The following CGGBP1 variants were observed in gnomAD, a reference collection of about 807,000 sequenced individuals.
CGGBP1 encodes CGG triplet repeat binding protein 1.
A neutral mutation model predicts 11.4 loss-of-function variants in CGGBP1; 4 were observed. That is an observed-to-expected ratio of 0.35 (90% CI 0.17 to 0.80). The LOEUF (loss-of-function observed/expected upper bound fraction) is 0.80, where lower values mean the gene tolerates loss of function less well. CGGBP1 is among the 30% of genes least tolerant of loss of function. The pLI is 0.52. For synonymous variants in CGGBP1, 76 were observed against 74.1 expected, an observed-to-expected ratio of 1.03 and a Z score of -0.13; for missense variants, 135 against 202.1, an observed-to-expected ratio of 0.67 and a Z score of 2.01.
intron 2 of CGGBP1, chr3:88,134,917 A>T (rs879785963): frequency 4.4e-6 from 2 of 458,158 alleles, no homozygotes; most frequent in African/African-American, 4.0e-5. Flanking sequence ...ATATAGGTAG[A>T]AGAAGTAGTT....
intron 2 of CGGBP1, among the ~76,000 whole-genome samples, chr3:88,118,591 C>T (rs1474769072): frequency 2.0e-5 from 3 of 152,148 alleles, no homozygotes; most frequent in African/African-American, 7.2e-5. Context: ...TGGCCCTTCT[C>T]TAGAGTACTT....
chr3:88,089,013 TC>T (rs1708494970), intron 2 of CGGBP1, among the ~76,000 whole-genome samples: 2 of 151,884 alleles, frequency 1.3e-5, no homozygotes, highest in South Asian at 4.2e-4. Flanking sequence ...CCTCAGATGA[TC>T]TACCCACCTC....
At chr3:88,100,001 G>A (rs1221700556) in intron 2 of CGGBP1, among the ~76,000 whole-genome samples, 1 of 152,178 alleles carries the variant, frequency 6.6e-6, no homozygotes, top group Non-Finnish European at 1.5e-5. Context: ...AAGAGCTTCT[G>A]CACAGCAAAA....
chr3:88,080,480 C>A (rs368495525), intron 2 of CGGBP1, among the ~76,000 whole-genome samples: 2 of 151,848 alleles, frequency 1.3e-5, no homozygotes, highest in Admixed American at 1.3e-4. Flanking sequence ...TTCAATAGGC[C>A]TGTGATTAAA....
At chr3:88,104,420 C>T (rs1289372416) in intron 2 of CGGBP1, among the ~76,000 whole-genome samples, 2 of 152,214 alleles carry the variant, frequency 1.3e-5, no homozygotes, top group Middle Eastern at 3.4e-3. Context: ...AAGAAAGCAG[C>T]CATAAACACT....
intron 2 of CGGBP1, chr3:88,138,985 C>T: frequency 8.0e-7 from 1 of 1,245,824 alleles, no homozygotes; most frequent in Non-Finnish European, 1.0e-6. Flanking sequence ...GAATTGCTTC[C>T]AATTTTGAAA....
intron 2 of CGGBP1, among the ~76,000 whole-genome samples, chr3:88,120,939 A>T (rs1309555003): frequency 6.6e-6 from 1 of 152,088 alleles, no homozygotes; most frequent in Non-Finnish European, 1.5e-5. Flanking sequence ...GATACTTTTG[A>T]TAGAAAATTT....
chr3:88,148,244 T>C (rs2107923422), intron 1 of CGGBP1, among the ~76,000 whole-genome samples: 2 of 152,338 alleles, frequency 1.3e-5, no homozygotes, highest in Middle Eastern at 3.4e-3. Flanking sequence ...TCTTACATGT[T>C]TACTGTCTAT....
intron 2 of CGGBP1, among the ~76,000 whole-genome samples, chr3:88,098,939 C>T (rs1180040462): frequency 1.3e-5 from 2 of 152,158 alleles, no homozygotes; most frequent in Non-Finnish European, 2.9e-5. Flanking sequence ...CAGGGATGCC[C>T]TCTGTCACTA....
intron 2 of CGGBP1, among the ~76,000 whole-genome samples, chr3:88,133,586 A>G (rs1359215749): frequency 2.0e-5 from 3 of 147,672 alleles, no homozygotes; most frequent in Non-Finnish European, 4.5e-5. Context: ...TACTTTCCAA[A>G]TATAGCAGTC....
Position 88,087,155 on chromosome 3 carries a change from C to T in CGGBP1, c.-228-28932G>A, listed in dbSNP as rs150864553. Among the ~76,000 whole-genome samples, 1,138 of 151,898 alleles carry T rather than the reference C, an allele frequency of 7.5e-3. 12 individuals carry two copies. Among genetic ancestry groups the T allele is most frequent in the Non-Finnish European group, 0.012 (794 of 67,960 alleles). ...GTGCAGTGGTGTGATCTTGGTTCAC[C>T]GCAACCTCTACCTCCCAGGTTCAAG... On this transcript the variant is annotated intron_variant, in intron 2 of 3. Transcript: ENST00000462901.
In CGGBP1 at chr3:88,113,311, G is replaced by T. The variant is rs1576305035; in HGVS notation, c.-229+27659C>A. 4 of 575,664 alleles carry T rather than the reference G, an allele frequency of 6.9e-6. No homozygotes were observed. The South Asian group carries it at 8.6e-5, about 12-fold the overall frequency. The allele number at this position is 575,664 out of a possible 1,614,324, so 35.7% of individuals were successfully genotyped here. A position where few individuals can be genotyped will look rare whatever the true frequency, so the allele number is the denominator to read the frequency against. On this transcript the variant is annotated intron_variant, in intron 2 of 3. Coordinates refer to the CGGBP1 transcript ENST00000462901. ...TTATAAGTTTTTAATGATTGCTAAG[G>T]TGACAGTGTTTAAGATCCTATTATT...
chr3:88,100,239 C>T (rs1447979502), intron 2 of CGGBP1, among the ~76,000 whole-genome samples: 2 of 152,234 alleles, frequency 1.3e-5, no homozygotes, highest in East Asian at 3.9e-4. Context: ...TCATCACTGG[C>T]TATCAGAGAA....
At chr3:88,062,044 A>G (rs1706916066), upstream of CGGBP1, among the ~76,000 whole-genome samples, 1 of 152,136 alleles carries the variant, frequency 6.6e-6, no homozygotes, top group African/African-American at 2.4e-5. Flanking sequence ...TGTGTCTTTT[A>G]CCATAAGGAA....
At chr3:88,132,050 A>G (rs1221488267) in intron 2 of CGGBP1, among the ~76,000 whole-genome samples, 4 of 152,058 alleles carry the variant, frequency 2.6e-5, no homozygotes, top group Non-Finnish European at 5.9e-5. Flanking sequence ...AGTGCTTCCT[A>G]TATTCTTTGC....
At chr3:88,139,619 CAAAG>C in intron 2 of CGGBP1, 2 of 1,613,612 alleles carry the variant, frequency 1.2e-6, no homozygotes, top group Non-Finnish European at 8.5e-7. Context: ...GTGAAGGAAA[CAAAG>C]AAGTCATCCC....
At chr3:88,094,520 G>A (rs1373348169) in intron 2 of CGGBP1, among the ~76,000 whole-genome samples, 2 of 152,082 alleles carry the variant, frequency 1.3e-5, no homozygotes, top group East Asian at 1.9e-4. Context: ...CTGTAGATGT[G>A]TAGTTTTGGA....
At chr3:88,116,577 C>CACACACACACAT (rs767725952) in intron 2 of CGGBP1, among the ~76,000 whole-genome samples, 2 of 148,106 alleles carry the variant, frequency 1.4e-5, no homozygotes, top group African/African-American at 5.0e-5. Flanking sequence ...CACACACACA[C>CACACACACACAT]ATGCACATAT....
chr3:88,089,757 T>G (rs1393421393), intron 2 of CGGBP1, among the ~76,000 whole-genome samples: 1 of 152,208 alleles, frequency 6.6e-6, no homozygotes, highest in Non-Finnish European at 1.5e-5. Flanking sequence ...TGAGAAGAAC[T>G]CTGGTCAGAC....
Sources: allele counts gnomAD v4.1 joint callset (sites outside exome capture counted in the v4.1 genomes callset), GRCh38; gene constraint gnomAD v4.1.1; transcripts MANE v1.5; gene names NCBI Gene and HGNC (gene_info 2026-07-23, HGNC 2026-07-21).